Variants in TBC1D12 observed in about 807,000 individuals in gnomAD.
TBC1D12 encodes the protein TBC1 domain family, member 12.
Under a neutral mutation model 86.7 loss-of-function variants are expected in TBC1D12, and 56 were observed. The ratio of observed to expected loss-of-function variants is 0.65; its 90% CI spans 0.52 to 0.81. TBC1D12 has a LOEUF of 0.81. Among genes scored for constraint, TBC1D12 ranks in the 30% least tolerant of loss-of-function variants. The probability of loss-of-function intolerance (pLI) is 0.00; values close to 1 mark genes in which losing one functional copy is unlikely to be tolerated. For missense variants in TBC1D12, 1,023 were observed against 1,038.8 expected (o/e 0.98, Z 0.21); for synonymous variants, 421 against 411.7 (o/e 1.02, Z -0.27).
chr10:94,530,393 C>A (rs118138882), intron 11 of TBC1D12, among the ~76,000 whole-genome samples: 1,687 of 152,064 alleles, frequency 0.011, 19 homozygotes, highest in Non-Finnish European at 0.013. Context: ...AAAGACAAAA[C>A]AAAACAATGG....
intron 2 of TBC1D12, among the ~76,000 whole-genome samples, chr10:94,451,183 A>T (rs1173001554): frequency 6.6e-6 from 1 of 152,110 alleles, no homozygotes; most frequent in East Asian, 1.9e-4. Context: ...GAGGATATTG[A>T]ATATTCCCAA....
intron 3 of TBC1D12, among the ~76,000 whole-genome samples, chr10:94,482,445 A>T (rs2056090813): frequency 6.7e-6 from 1 of 150,364 alleles, no homozygotes. Flanking sequence ...ACTAGGTCTT[A>T]TTCATTCTGG....
At chr10:94,458,391 C>T (rs2055661025) in intron 2 of TBC1D12, among the ~76,000 whole-genome samples, 1 of 152,138 alleles carries the variant, frequency 6.6e-6, no homozygotes. Context: ...CTCTCATCCT[C>T]TGTAACTGTA....
At chr10:94,462,265 A>C (rs1222416633) in intron 2 of TBC1D12, among the ~76,000 whole-genome samples, 1 of 152,198 alleles carries the variant, frequency 6.6e-6, no homozygotes, top group Non-Finnish European at 1.5e-5. Context: ...ATTTAAGCCA[A>C]GGTTTCTCAA....
intron 2 of TBC1D12, among the ~76,000 whole-genome samples, chr10:94,457,953 A>T (rs1210057708): frequency 6.6e-6 from 1 of 152,172 alleles, no homozygotes; most frequent in African/African-American, 2.4e-5. Flanking sequence ...CCTTCTGCCC[A>T]TCCCTTTTAT....
At chr10:94,530,886 A>G in intron 11 of TBC1D12, among the ~76,000 whole-genome samples, 1 of 122,658 alleles carries the variant, frequency 8.2e-6, no homozygotes, top group African/African-American at 3.2e-5. Flanking sequence ...TCTGAGACAG[A>G]GTCTCACTCT....
In TBC1D12 at chr10:94,531,467, T is replaced by A. The variant is rs764330692; in HGVS notation, c.2259+7T>A. 7 of 1,600,778 alleles carry A rather than the reference T, an allele frequency of 4.4e-6. No individual in the cohort carries two copies. Among genetic ancestry groups the A allele is most frequent in the Non-Finnish European group, 6.0e-6 (7 of 1,172,398 alleles). ...CACCAAAAAATGGACTCAGGTAGAG[T>A]GACATTTTCTTATCTTTAATAGATG... On this transcript the variant is annotated splice_region_variant and intron_variant, in intron 12 of 12. Transcript: ENST00000225235.
At chr10:94,531,679 T>TTATG (rs1842422604) in intron 12 of TBC1D12, among the ~76,000 whole-genome samples, 4 of 133,044 alleles carry the variant, frequency 3.0e-5, no homozygotes, top group African/African-American at 8.5e-5. Context: ...TTTATTTTAT[T>TTATG]TTATTTTATG....
chr10:94,403,131 G>C lies in TBC1D12; in HGVS notation c.518G>C (p.Arg173Pro), dbSNP rs556406071. Reference protein sequence around the residue: ...SRRRRPYGRLRLEGPGDEDAD... With the variant: ...SRRRRPYGRLPLEGPGDEDAD... ...CGCCGCCGCCCCTACGGCCGCCTTCGCCTGGAGGGGCCTGGCGACGAGGAC... is the reference window on the plus strand; with the variant it reads ...CGCCGCCGCCCCTACGGCCGCCTTCCCCTGGAGGGGCCTGGCGACGAGGAC... The change falls in exon 1 of 13, where the codon CGC becomes CCC. Residue 173 changes from arginine (R) to proline (P), a missense_variant. By Grantham distance (103) the Arg-to-Pro change is moderately radical. Around this residue, in one of 2 missense-constraint regions of TBC1D12, gnomAD observed 628 missense variants for 531.1 expected, o/e 1.18. Coordinates refer to ENST00000225235, the MANE Select transcript of TBC1D12 (RefSeq NM_015188.2). 7 of 1,396,368 alleles carry C rather than the reference G, an allele frequency of 5.0e-6. No homozygotes were observed. In the South Asian group the frequency reaches 1.0e-4, roughly 20 times the overall value. 86.5% of individuals were successfully genotyped at this position (1,396,368 alleles called of 1,614,324 possible).
intron 5 of TBC1D12, among the ~76,000 whole-genome samples, chr10:94,498,200 A>G (rs181789617): frequency 9.9e-4 from 150 of 152,264 alleles, no homozygotes; most frequent in Non-Finnish European, 1.2e-3. Flanking sequence ...TTGGAAAGAG[A>G]ATATTAAATA....
chr10:94,445,665 C>T (rs747801571), intron 2 of TBC1D12, among the ~76,000 whole-genome samples: 3 of 151,810 alleles, frequency 2.0e-5, no homozygotes, highest in Non-Finnish European at 2.9e-5. Flanking sequence ...AAATATGTAT[C>T]AGCTGGGTGC....
chr10:94,511,519 T>C (rs1481080992), intron 8 of TBC1D12, 64 bp from the exon 9 acceptor site: 3 of 977,016 alleles, frequency 3.1e-6, no homozygotes, highest in African/African-American at 1.6e-5. Flanking sequence ...ATTAACATGT[T>C]ATATGAAAAT....
In TBC1D12 at chr10:94,402,603, C is replaced by A; in HGVS notation, c.-11C>A. On this transcript the variant is annotated 5_prime_UTR_variant, in exon 1 of 13. Transcript: ENST00000225235. Reference sequence around the variant, plus strand: ...TCTTTGCCTCCTGGGGCGGCCGCCACCCACCCCCAGATGGTGGGTCCGGAG... The same window carrying A: ...TCTTTGCCTCCTGGGGCGGCCGCCAACCACCCCCAGATGGTGGGTCCGGAG... 3.7e-6 allele frequency: 6 copies of A among 1,610,600 alleles called. No individual in the cohort carries two copies. Among genetic ancestry groups the A allele is most frequent in the Non-Finnish European group, 5.1e-6 (6 of 1,178,904 alleles).
rs1842516441 is a variant in TBC1D12, at chr10:94,535,010, TC to T, written c.*1917del. 1 of 152,176 alleles carries T rather than the reference TC, an allele frequency of 6.6e-6. No individual in the cohort carries two copies. Among genetic ancestry groups the T allele is most frequent in the Non-Finnish European group, 1.5e-5 (1 of 68,022 alleles). 9.4% of individuals were successfully genotyped at this position (152,176 alleles called of 1,614,324 possible). ...TCAGGTGCTGTCCAGGGAACATGTT[TC>T]CCTTGGGAGGTCTGAACAGAGTGAC... On this transcript the variant is annotated 3_prime_UTR_variant, in exon 13 of 13. Coordinates refer to ENST00000225235, the MANE Select transcript of TBC1D12 (RefSeq NM_015188.2).
intron 2 of TBC1D12, among the ~76,000 whole-genome samples, chr10:94,448,732 G>C (rs2055507580): frequency 6.6e-6 from 1 of 152,108 alleles, no homozygotes; most frequent in Non-Finnish European, 1.5e-5. Flanking sequence ...TCCTGCCTAG[G>C]CCTCCCAAAG....
In TBC1D12 at chr10:94,507,215, A is replaced by G. The variant is rs1259263200; in HGVS notation, c.1520-52A>G. On this transcript the variant is annotated intron_variant, in intron 6 of 12. Transcript: ENST00000225235. ...AAAGAGTAAAAATTAAAATTTGCAA[A>G]TATATTTCTTTCCTATTATTCATAC... is the stretch of plus-strand genomic sequence containing the variant. 1.2e-5 allele frequency: 19 copies of G among 1,553,582 alleles called. No individual in the cohort carries two copies. The Admixed American group carries it at 3.4e-4, about 28-fold the overall frequency.
chr10:94,456,150 T>C (rs2055624712), intron 2 of TBC1D12, among the ~76,000 whole-genome samples: 1 of 152,186 alleles, frequency 6.6e-6, no homozygotes, highest in Admixed American at 6.5e-5. Context: ...TGTTGATTTT[T>C]CTCTACTGAC....
At chr10:94,527,769 T>A (rs1842332770) in intron 11 of TBC1D12, among the ~76,000 whole-genome samples, 1 of 152,136 alleles carries the variant, frequency 6.6e-6, no homozygotes, top group South Asian at 2.1e-4. Flanking sequence ...CTAGTTTTGT[T>A]TTGTTTAATT....
chr10:94,495,684 A>C (rs765573883), intron 4 of TBC1D12, among the ~76,000 whole-genome samples: 80 of 151,916 alleles, frequency 5.3e-4, no homozygotes, highest in Non-Finnish European at 1.0e-3. Context: ...TGTGAGAGGC[A>C]GGTCAGCTTA....
Sources: gnomAD v4.1 joint callset for allele counts (sites outside exome capture counted in the v4.1 genomes callset) on GRCh38, gnomAD v4.1.1 for gene constraint, gnomAD v4.1.1 regional missense constraint, MANE v1.5 for transcripts, NCBI Gene and HGNC (gene_info 2026-07-23, HGNC 2026-07-21) for gene names.